ZNF280D: variants seen among roughly 807,000 people sequenced by gnomAD.
ZNF280D encodes zinc finger protein 280D.
A neutral mutation model predicts 94.7 loss-of-function variants in ZNF280D; 39 were observed. The ratio of observed to expected loss-of-function variants is 0.41; its 90% CI spans 0.32 to 0.54. ZNF280D has a LOEUF of 0.54. ZNF280D is among the 20% of genes least tolerant of loss of function. The pLI is 0.22. For missense variants in ZNF280D, 1,090 were observed against 1,149.3 expected, an observed-to-expected ratio of 0.95 and a Z score of 0.75; for synonymous variants, 398 against 377.6, an observed-to-expected ratio of 1.05 and a Z score of -0.63.
Position 56,693,202 on chromosome 15 carries a change from T to A in ZNF280D, c.395A>T (p.Asn132Ile). ...CTTATTAGACACAACTCGTGATGAG[T>A]TTGTTATATAACCCTGTTAAATAGT... Reference protein sequence around the residue: ...QPFSKPGYITNSSRVVSNKSS... With the variant: ...QPFSKPGYITISSRVVSNKSS... Residue 132 changes from asparagine to isoleucine, a missense_variant, in exon 7 of 22, where the codon AAC (asparagine) becomes ATC (isoleucine). Around this residue, in one of 3 missense-constraint regions of ZNF280D, gnomAD observed 386 missense variants for 372.0 expected, o/e 1.04. Transcript: ENST00000267807. 6.3e-7 allele frequency: 1 copy of A among 1,581,430 alleles called. No homozygotes were observed. The highest frequency in any genetic ancestry group is 8.6e-7 in the Non-Finnish European group (1 of 1,162,830).
intron 6 of ZNF280D, among the ~76,000 whole-genome samples, chr15:56,694,057 G>C (rs562858170): frequency 5.9e-5 from 9 of 151,924 alleles, no homozygotes; most frequent in Admixed American, 1.3e-4. Flanking sequence ...TGGAGGCCTC[G>C]GGACTCAAAG....
At chr15:56,722,825 A>C (rs555109785) in intron 1 of ZNF280D, among the ~76,000 whole-genome samples, 13 of 152,028 alleles carry the variant, frequency 8.6e-5, no homozygotes, top group African/African-American at 2.9e-4. Flanking sequence ...CTTGGAACCA[A>C]CCCAAATGTC....
intron 17 of ZNF280D, among the ~76,000 whole-genome samples, chr15:56,656,869 A>C (rs141900445): frequency 1.3e-5 from 2 of 152,300 alleles, no homozygotes; most frequent in Non-Finnish European, 2.9e-5. Flanking sequence ...GATAAAGCAA[A>C]GGGAAGAGGA....
chr15:56,714,209 C>T (rs927419209), intron 1 of ZNF280D, among the ~76,000 whole-genome samples: 29 of 152,138 alleles, frequency 1.9e-4, no homozygotes, highest in African/African-American at 7.0e-4. Context: ...GAAAAGGGCA[C>T]ATTCCCACCA....
chr15:56,659,801 C>T (rs1430760890), intron 16 of ZNF280D, among the ~76,000 whole-genome samples: 2 of 151,456 alleles, frequency 1.3e-5, no homozygotes, highest in Admixed American at 6.6e-5. Context: ...TTCACACACA[C>T]GCTAAAGTTT....
chr15:56,670,070 A>G (rs1329042241), intron 13 of ZNF280D, among the ~76,000 whole-genome samples: 1 of 26,100 alleles, frequency 3.8e-5, no homozygotes, highest in African/African-American at 3.5e-4. Flanking sequence ...TGTTTTACAT[A>G]TATATATATA....
intron 1 of ZNF280D, among the ~76,000 whole-genome samples, chr15:56,711,890 T>C (rs1171879226): frequency 6.6e-6 from 1 of 152,190 alleles, no homozygotes; most frequent in Non-Finnish European, 1.5e-5. Context: ...CCAAGCTATA[T>C]GGTATAGCCT....
chr15:56,693,637 C>T (rs2056554370), intron 6 of ZNF280D, among the ~76,000 whole-genome samples: 1 of 151,412 alleles, frequency 6.6e-6, no homozygotes, highest in South Asian at 2.1e-4. Flanking sequence ...TAGAACTTAG[C>T]AAAATCTTTG....
intron 1 of ZNF280D, among the ~76,000 whole-genome samples, chr15:56,713,898 T>C (rs1409835706): frequency 6.6e-6 from 1 of 152,158 alleles, no homozygotes; most frequent in East Asian, 1.9e-4. Flanking sequence ...ATACCTACTT[T>C]GGCACTATAA....
intron 9 of ZNF280D, among the ~76,000 whole-genome samples, chr15:56,683,107 A>AT (rs1474634056): frequency 6.6e-6 from 1 of 152,036 alleles, no homozygotes; most frequent in Non-Finnish European, 1.5e-5. Flanking sequence ...CTGTTTTTCT[A>AT]TTTTTTTAAC....
chr15:56,670,793 C>A (rs1309893941), intron 13 of ZNF280D, among the ~76,000 whole-genome samples: 1 of 152,004 alleles, frequency 6.6e-6, no homozygotes, highest in African/African-American at 2.4e-5. Flanking sequence ...AATTTACACT[C>A]CCACCAACAG....
intron 7 of ZNF280D, among the ~76,000 whole-genome samples, chr15:56,689,966 C>G (rs1325052005): frequency 2.0e-5 from 3 of 151,902 alleles, no homozygotes; most frequent in African/African-American, 7.2e-5. Context: ...TCTTTCCTAC[C>G]TAACAAACTG....
chr15:56,676,870 A>T (rs2055267057), intron 12 of ZNF280D, 54 bp from the exon 13 acceptor site: 1 of 1,308,220 alleles, frequency 7.6e-7, no homozygotes, highest in Non-Finnish European at 1.1e-6. Context: ...CTGATATGCA[A>T]TTACAAAGGA....
Position 56,665,698 on chromosome 15 carries a change from C to G in ZNF280D, c.1994+697G>C, listed in dbSNP as rs537077930. On this transcript the variant is annotated intron_variant, in intron 16 of 21. Transcript: ENST00000267807. ...CAGCCTGGGCGACACAGCGAGACTC[C>G]GTCTCAAAAAAAAAAAAAAAAAAGG... Among the ~76,000 whole-genome samples the G allele has an allele frequency of 7.6e-4, 26 of 34,084 alleles. No homozygotes were observed. In the East Asian group the frequency reaches 0.03, roughly 39 times the overall value. 22.4% of individuals were successfully genotyped at this position (34,084 alleles called of 152,430 possible). A position where few individuals can be genotyped will look rare whatever the true frequency, so the allele number is the denominator to read the frequency against.
At chr15:56,662,508 T>C (rs1448612583) in intron 16 of ZNF280D, among the ~76,000 whole-genome samples, 1 of 151,910 alleles carries the variant, frequency 6.6e-6, no homozygotes, top group Non-Finnish European at 1.5e-5. Flanking sequence ...AAGAAGATAA[T>C]ACAAACACAA....
At chr15:56,670,067 C>CATATATATAT (rs201081844) in intron 13 of ZNF280D, among the ~76,000 whole-genome samples, 1 of 42,846 alleles carries the variant, frequency 2.3e-5, no homozygotes, top group East Asian at 8.2e-4. Context: ...TGTTGTTTTA[C>CATATATATAT]ATATATATAT....
intron 1 of ZNF280D, among the ~76,000 whole-genome samples, chr15:56,717,122 T>C (rs569088204): frequency 3.9e-5 from 6 of 152,254 alleles, no homozygotes; most frequent in East Asian, 1.9e-4. Flanking sequence ...GGCATTGTGA[T>C]AGGTTTGGGC....
chr15:56,642,024 G>A (rs2052653916), intron 20 of ZNF280D, among the ~76,000 whole-genome samples: 1 of 151,526 alleles, frequency 6.6e-6, no homozygotes, highest in East Asian at 1.9e-4. Flanking sequence ...GGATATCACT[G>A]CAGATTCCAA....
chr15:56,631,894 T>C lies in ZNF280D; in HGVS notation c.2544A>G (p.Glu848=), dbSNP rs142515750. 10 of 1,613,694 alleles carry C rather than the reference T, an allele frequency of 6.2e-6. No individual in the cohort carries two copies. The highest frequency in any genetic ancestry group is 5.9e-6 in the Non-Finnish European group (7 of 1,180,022). ...KKKQIQHVCQ[E]MELKMCQSSE... The stretch of plus-strand genomic sequence containing the variant: ...AACTTTGGCACATCTTCAACTCCAT[T>C]TCCTGACAAACGTGTTGTATTTGTT... The change falls in exon 22 of 22, where the codon GAA becomes GAG. Residue 848 remains glutamate, a synonymous_variant. Coordinates refer to ENST00000267807, the MANE Select transcript of ZNF280D (RefSeq NM_017661.4).
Sources: allele counts gnomAD v4.1 joint callset (sites outside exome capture counted in the v4.1 genomes callset), GRCh38; gene constraint gnomAD v4.1.1; regional missense constraint gnomAD v4.1.1; transcripts MANE v1.5; gene names NCBI Gene and HGNC (gene_info 2026-07-23, HGNC 2026-07-21).